The following PACRG variants were observed in gnomAD, a reference collection of about 807,000 sequenced individuals.
The protein encoded by PACRG is parkin coregulated gene protein.
PACRG carries 29 observed loss-of-function variants against 29.7 expected under a neutral mutation model. That is an observed-to-expected ratio of 0.98 (90% CI 0.73 to 1.33). The LOEUF (loss-of-function observed/expected upper bound fraction) is 1.33, where lower values mean the gene tolerates loss of function less well. Among genes scored for constraint, PACRG ranks in the 40% most tolerant of loss-of-function variants. PACRG has a pLI of 0.00. For synonymous variants in PACRG, 116 were observed against 118.7 expected (o/e 0.98, Z 0.15); for missense variants, 279 against 316.2 (o/e 0.88, Z 0.89).
intron 2 of PACRG, among the ~76,000 whole-genome samples, chr6:162,821,997 T>C (rs560704211): frequency 6.6e-6 from 1 of 152,316 alleles, no homozygotes; most frequent in Admixed American, 6.5e-5. Flanking sequence ...TTTAGTCTAT[T>C]GAAGTTTTTG....
intron 1 of PACRG, among the ~76,000 whole-genome samples, chr6:162,809,927 A>AGTG (rs1308107468): frequency 6.6e-6 from 1 of 152,210 alleles, no homozygotes; most frequent in Non-Finnish European, 1.5e-5. Context: ...TGGAGACCTC[A>AGTG]CGAGGAGCTT....
intron 1 of PACRG, among the ~76,000 whole-genome samples, chr6:162,774,682 C>T (rs774882998): frequency 1.2e-4 from 19 of 152,028 alleles, no homozygotes; most frequent in Non-Finnish European, 2.8e-4. Context: ...TTTAGTTAGG[C>T]TTTTTTATTC....
Position 163,087,624 on chromosome 6 carries a change from G to C in PACRG, c.464-1635G>C, listed in dbSNP as rs554127789. 8.0e-5 allele frequency among the ~76,000 whole-genome samples: 12 copies of C among 150,442 alleles called. No homozygotes were observed. In the East Asian group the frequency reaches 1.4e-3, roughly 18 times the overall value. On this transcript the variant is annotated intron_variant, in intron 3 of 4. Transcript: ENST00000366888. The stretch of plus-strand genomic sequence containing the variant: ...GTGAGGATGGAGACCAGGAACAGAG[G>C]AGAAGAGGTGAGGATGGAGAGTGAG...
chr6:162,949,677 A>G (rs886076682), intron 2 of PACRG, among the ~76,000 whole-genome samples: 2 of 152,206 alleles, frequency 1.3e-5, no homozygotes, highest in Non-Finnish European at 2.9e-5. Context: ...TTATTTCCCC[A>G]GTGATACATA....
At chr6:163,178,733 C>T (rs1377491845) in intron 4 of PACRG, among the ~76,000 whole-genome samples, 4 of 152,148 alleles carry the variant, frequency 2.6e-5, no homozygotes, top group Non-Finnish European at 5.9e-5. Context: ...TTGCCAGGCT[C>T]CCCGGTGGCT....
At position 163,172,917 on chromosome 6, in the gene PACRG, T is replaced by G. The variant is rs1779155272; in HGVS notation, c.613+83509T>G. ...ATAATAGTGAAAAATGAAAATAAGT[T>G]AAATGTCTACCAATATGAAAATGGC... On this transcript the variant is annotated intron_variant, in intron 4 of 4. Transcript: ENST00000366888. 2.0e-5 allele frequency among the ~76,000 whole-genome samples: 3 copies of G among 152,252 alleles called. No individual in the cohort carries two copies. In the South Asian group the frequency reaches 6.2e-4, roughly 31 times the overall value.
intron 2 of PACRG, among the ~76,000 whole-genome samples, chr6:163,034,119 C>T (rs1199121542): frequency 1.3e-5 from 2 of 151,998 alleles, no homozygotes; most frequent in African/African-American, 2.4e-5. Flanking sequence ...GGTGGGAAGG[C>T]AAGGCGCTCA....
intron 2 of PACRG, among the ~76,000 whole-genome samples, chr6:162,947,470 A>ATACTC (rs372977724): frequency 3.1e-5 from 3 of 96,182 alleles, no homozygotes; most frequent in African/African-American, 4.3e-5. Context: ...AATCATATAT[A>ATACTC]ATATATATAT....
At chr6:162,883,294 CAT>C (rs1370032172) in intron 2 of PACRG, among the ~76,000 whole-genome samples, 1 of 152,126 alleles carries the variant, frequency 6.6e-6, no homozygotes, top group Non-Finnish European at 1.5e-5. Flanking sequence ...TTTCAGCTCT[CAT>C]GACACAGCTT....
chr6:163,187,793 C>G (rs915469155), intron 4 of PACRG: 3 of 152,448 alleles, frequency 2.0e-5, no homozygotes, highest in Non-Finnish European at 2.9e-5. Flanking sequence ...TGACGCGGCA[C>G]GTGACCCCAC....
chr6:162,774,234 G>A (rs989125227), intron 1 of PACRG, among the ~76,000 whole-genome samples: 2 of 152,196 alleles, frequency 1.3e-5, no homozygotes, highest in Non-Finnish European at 2.9e-5. Flanking sequence ...ATCAAATGCT[G>A]TATGCAGGAA....
At chr6:163,221,402 A>G (rs1781575983) in intron 4 of PACRG, among the ~76,000 whole-genome samples, 1 of 152,236 alleles carries the variant, frequency 6.6e-6, no homozygotes, top group South Asian at 2.1e-4. Flanking sequence ...CAAACTTTGT[A>G]CACGTGCCTT....
At chr6:163,277,518 T>C (rs1459043380) in intron 4 of PACRG, among the ~76,000 whole-genome samples, 80 of 108,666 alleles carry the variant, frequency 7.4e-4, no homozygotes, top group African/African-American at 1.7e-3. Context: ...CACACACACA[T>C]ATACACATAT....
At chr6:163,111,167 C>A (rs939723499) in intron 4 of PACRG, among the ~76,000 whole-genome samples, 1 of 152,202 alleles carries the variant, frequency 6.6e-6, no homozygotes, top group Non-Finnish European at 1.5e-5. Flanking sequence ...ACAGGAAGAC[C>A]TGGGTTCCAT....
chr6:162,774,701 T>G (rs933631977), intron 1 of PACRG, among the ~76,000 whole-genome samples: 1 of 152,218 alleles, frequency 6.6e-6, no homozygotes, highest in African/African-American at 2.4e-5. Flanking sequence ...TCTTAATGTT[T>G]TTTTCTAGCT....
intron 2 of PACRG, among the ~76,000 whole-genome samples, chr6:163,032,021 G>A (rs1278573396): frequency 1.3e-5 from 2 of 152,182 alleles, no homozygotes; most frequent in Non-Finnish European, 2.9e-5. Flanking sequence ...AAAGAAAACA[G>A]ATTCTTATTG....
At chr6:163,162,250 G>C (rs576813110) in intron 4 of PACRG, among the ~76,000 whole-genome samples, 2 of 152,330 alleles carry the variant, frequency 1.3e-5, no homozygotes, top group African/African-American at 4.8e-5. Context: ...TGTGGTCAGG[G>C]AGAGGCAGCT....
intron 4 of PACRG, among the ~76,000 whole-genome samples, chr6:163,174,745 A>G (rs999708023): frequency 6.6e-6 from 1 of 152,256 alleles, no homozygotes; most frequent in Admixed American, 6.5e-5. Flanking sequence ...ATTCAAGGTG[A>G]AAACAGCTGG....
chr6:163,289,107 ACAC>A (rs1784493457), intron 4 of PACRG, among the ~76,000 whole-genome samples: 9 of 152,194 alleles, frequency 5.9e-5, no homozygotes, highest in Admixed American at 5.9e-4. Flanking sequence ...GCTGGAAACC[ACAC>A]CAACAAATTT....
Sources: gnomAD v4.1 joint callset for allele counts (sites outside exome capture counted in the v4.1 genomes callset) on GRCh38, gnomAD v4.1.1 for gene constraint, MANE v1.5 for transcripts, NCBI Gene and HGNC (gene_info 2026-07-23, HGNC 2026-07-21) for gene names.